The following GLDN variants were observed in gnomAD, a reference collection of about 807,000 sequenced individuals.
The protein encoded by GLDN is gliomedin.
In GLDN, 47 loss-of-function variants were observed where a neutral mutation model predicts 56.5. The observed-to-expected ratio is 0.83, with a 90% CI of 0.66 to 1.06. GLDN has a LOEUF of 1.06. GLDN is among the 50% of genes least tolerant of loss of function. GLDN has a pLI of 0.00. For synonymous variants in GLDN, 332 were observed against 278.8 expected (o/e 1.19, Z -1.90); for missense variants, 782 against 714.3 (o/e 1.09, Z -1.08).
chr15:51,403,323 A>G (rs1257209501), intron 9 of GLDN, among the ~76,000 whole-genome samples: 2 of 152,194 alleles, frequency 1.3e-5, no homozygotes, highest in East Asian at 3.9e-4. Context: ...ACTCCTGTGT[A>G]CTGAGATGTG....
chr15:51,359,754 A>G (rs1371187468), intron 1 of GLDN, among the ~76,000 whole-genome samples: 2 of 152,116 alleles, frequency 1.3e-5, no homozygotes, highest in Admixed American at 6.5e-5. Flanking sequence ...AGGAGGGCGG[A>G]TCATGAGGTC....
chr15:51,344,441 A>G (rs2036941925), intron 1 of GLDN, among the ~76,000 whole-genome samples: 1 of 151,906 alleles, frequency 6.6e-6, no homozygotes, highest in Admixed American at 6.6e-5. Flanking sequence ...CCTCATCTTT[A>G]CTCTCTGCTT....
intron 4 of GLDN, among the ~76,000 whole-genome samples, chr15:51,387,038 G>T (rs1426060325): frequency 2.0e-5 from 3 of 152,108 alleles, no homozygotes; most frequent in Admixed American, 2.0e-4. Flanking sequence ...GGGAGTCATT[G>T]AGGCACCTGG....
chr15:51,395,826 T>C (rs942386230), intron 5 of GLDN, among the ~76,000 whole-genome samples: 5 of 152,294 alleles, frequency 3.3e-5, no homozygotes, highest in African/African-American at 1.2e-4. Flanking sequence ...TGGCATCTGC[T>C]CAGCTTCTGG....
chr15:51,395,975 A>G (rs554383565), intron 5 of GLDN, among the ~76,000 whole-genome samples: 2 of 152,222 alleles, frequency 1.3e-5, no homozygotes, highest in Non-Finnish European at 2.9e-5. Context: ...GAATCTCGCA[A>G]TAACTCACTT....
rs191012621 is a variant in GLDN, at chr15:51,371,660, A to G, written c.364-5789A>G. Among the ~76,000 whole-genome samples, 320 of 152,308 alleles carry G rather than the reference A, an allele frequency of 2.1e-3. 2 individuals carry two copies. The highest frequency in any genetic ancestry group is 2.9e-3 in the Non-Finnish European group (199 of 68,030). ...CACTTTCTGTTTATTATAACAGAAT[A>G]CCTGAAACTGGATAATTTATAAGAA... is the stretch of plus-strand genomic sequence containing the variant. On this transcript the variant is annotated intron_variant, in intron 1 of 9. Transcript: ENST00000335449.
intron 4 of GLDN, among the ~76,000 whole-genome samples, chr15:51,393,754 G>A (rs894372459): frequency 5.3e-5 from 8 of 152,136 alleles, no homozygotes; most frequent in Admixed American, 4.6e-4. Flanking sequence ...CAGTGAACTG[G>A]GACAATCCAA....
chr15:51,342,998 A>G (rs931333730), intron 1 of GLDN, among the ~76,000 whole-genome samples: 1 of 152,242 alleles, frequency 6.6e-6, no homozygotes, highest in African/African-American at 2.4e-5. Flanking sequence ...AACAAATACT[A>G]TTAGATCACA....
At chr15:51,359,198 A>G (rs1024646077) in intron 1 of GLDN, among the ~76,000 whole-genome samples, 6 of 152,206 alleles carry the variant, frequency 3.9e-5, no homozygotes, top group African/African-American at 1.2e-4. Flanking sequence ...GCACGAGTGC[A>G]TGTCCCTTTT....
chr15:51,388,879 G>A (rs766973637), intron 4 of GLDN, among the ~76,000 whole-genome samples: 41 of 152,202 alleles, frequency 2.7e-4, no homozygotes, highest in Admixed American at 7.2e-4. Context: ...CTTCAGACAC[G>A]CTCCAATCTG....
chr15:51,394,816 C>T lies in GLDN; in HGVS notation c.542-19C>T. ...CTTTTTGCACCATAGGCTAATATGT[C>T]TTTTGTTTTTTTGGTCAGGGATACC... On this transcript the variant is annotated intron_variant, in intron 4 of 9. Transcript: ENST00000335449. 1.2e-6 allele frequency: 2 copies of T among 1,613,568 alleles called. No homozygotes were observed. The highest frequency in any genetic ancestry group is 1.7e-6 in the Non-Finnish European group (2 of 1,179,800).
rs778826448 is a variant in GLDN, at chr15:51,397,462, C to T, written c.689-8C>T. ...TCCTTCTCTCCCTTTCTCTCTCTCT[C>T]TCTCCAGGTGCCAAAGGTGACCAAG... On this transcript the variant is annotated splice_polypyrimidine_tract_variant and splice_region_variant and intron_variant, in intron 5 of 9. Transcript: ENST00000335449. 1.4e-6 allele frequency: 2 copies of T among 1,456,468 alleles called. No homozygotes were observed. 90.2% of individuals were successfully genotyped at this position (1,456,468 alleles called of 1,614,324 possible). A position where few individuals can be genotyped will look rare whatever the true frequency, so the allele number is the denominator to read the frequency against.
intron 1 of GLDN, among the ~76,000 whole-genome samples, chr15:51,372,727 G>A (rs1278139504): frequency 6.6e-6 from 1 of 152,102 alleles, no homozygotes; most frequent in African/African-American, 2.4e-5. Flanking sequence ...TTTCCCACTT[G>A]AACCACTTCT....
intron 1 of GLDN, among the ~76,000 whole-genome samples, chr15:51,372,855 T>G (rs2037544650): frequency 6.6e-6 from 1 of 152,112 alleles, no homozygotes; most frequent in South Asian, 2.1e-4. Context: ...GAGCAGAAAT[T>G]TATTTCTCAT....
chr15:51,383,844 C>T lies in GLDN; in HGVS notation c.493C>T (p.Gln165Ter). The change falls in exon 4 of 10, where the codon CAG becomes TAG. Residue 165 changes from glutamine to a stop codon, truncating the protein, a stop_gained. Transcript: ENST00000335449. LOFTEE classifies it high-confidence loss of function. ...CGGATTGGATGGACAGCCTGGTCCTCAGGGCCCAAAAGGAGAAAAAGGAGC... is the reference window on the plus strand; with the variant it reads ...CGGATTGGATGGACAGCCTGGTCCTTAGGGCCCAAAAGGAGAAAAAGGAGC... The part of the protein sequence containing the change: ...HNGLDGQPGP[Q>*]GPKGEKGANG... 6.2e-7 allele frequency: 1 copy of T among 1,613,066 alleles called. No homozygotes were observed. The highest frequency in any genetic ancestry group is 8.5e-7 in the Non-Finnish European group (1 of 1,179,824).
At chr15:51,402,011 G>T (rs2038263274) in intron 9 of GLDN, among the ~76,000 whole-genome samples, 1 of 152,206 alleles carries the variant, frequency 6.6e-6, no homozygotes, top group Non-Finnish European at 1.5e-5. Flanking sequence ...ACCTGGAGTG[G>T]TGACGGCCGC....
chr15:51,343,783 AG>A (rs567358235), intron 1 of GLDN, among the ~76,000 whole-genome samples: 10 of 152,208 alleles, frequency 6.6e-5, no homozygotes, highest in Non-Finnish European at 1.5e-4. Context: ...TCTTGGGAGC[AG>A]TTCTCAAACA....
chr15:51,409,594 A>G (rs754339742), downstream of GLDN, among the ~76,000 whole-genome samples: 4 of 152,350 alleles, frequency 2.6e-5, no homozygotes, highest in Middle Eastern at 6.8e-3. Context: ...TCTTGTGTCT[A>G]GCAACATGGC....
At chr15:51,408,783 T>C (rs2141146464), downstream of GLDN, among the ~76,000 whole-genome samples, 1 of 152,248 alleles carries the variant, frequency 6.6e-6, no homozygotes, top group East Asian at 1.9e-4. Context: ...CATGCGGTAT[T>C]TGGTTTTCTG....
Sources: gnomAD v4.1 joint callset for allele counts (sites outside exome capture counted in the v4.1 genomes callset) on GRCh38, gnomAD v4.1.1 for gene constraint, MANE v1.5 for transcripts, NCBI Gene and HGNC (gene_info 2026-07-23, HGNC 2026-07-21) for gene names.